The following NRXN1 variants were observed in gnomAD, a reference collection of about 807,000 sequenced individuals.
NRXN1 encodes the protein neurexin-1.
NRXN1 carries 39 observed loss-of-function variants against 150.9 expected under a neutral mutation model. The observed-to-expected ratio is 0.26, with a 90% CI of 0.20 to 0.34. NRXN1 has a LOEUF of 0.34. NRXN1 is among the 10% of genes least tolerant of loss of function. The pLI is 1.00. For synonymous variants in NRXN1, 924 were observed against 757.0 expected (o/e 1.22, Z -3.62); for missense variants, 1,815 against 1,949.9 (o/e 0.93, Z 1.30).
At chr2:50,089,128 T>G (rs941544281) in intron 19 of NRXN1, among the ~76,000 whole-genome samples, 1 of 152,204 alleles carries the variant, frequency 6.6e-6, no homozygotes, top group East Asian at 1.9e-4. Context: ...GGACTTTCCC[T>G]TTCTCACCAT....
Position 50,334,209 on chromosome 2 carries a change from A to ATATATATATATG in NRXN1, c.3365-97240_3365-97239insCATATATATATA, listed in dbSNP as rs760530144. Among the ~76,000 whole-genome samples, 54 of 121,474 alleles carry ATATATATATATG rather than the reference A, an allele frequency of 4.4e-4. 8 individuals carry two copies. In the Middle Eastern group the frequency reaches 0.012, roughly 27 times the overall value. The allele number at this position is 121,474 out of a possible 152,430, so 79.7% of individuals were successfully genotyped here. ...CAGGACCAAATATATATATATATATATATGTATGTAGATATTGTTTAACGG... is the reference window on the plus strand; with the variant it reads ...CAGGACCAAATATATATATATATATATATATATATATGTATGTATGTAGATATTGTTTAACGG... On this transcript the variant is annotated intron_variant, in intron 17 of 22. Coordinates refer to ENST00000401669, the MANE Select transcript of NRXN1 (RefSeq NM_001330078.2).
At chr2:50,065,276 C>T (rs1695196076) in intron 19 of NRXN1, among the ~76,000 whole-genome samples, 2 of 152,102 alleles carry the variant, frequency 1.3e-5, no homozygotes, top group African/African-American at 4.8e-5. Context: ...AAAGAGATGA[C>T]ATAAAACTAA....
At chr2:50,316,692 A>C (rs1004041834) in intron 17 of NRXN1, among the ~76,000 whole-genome samples, 1 of 152,142 alleles carries the variant, frequency 6.6e-6, no homozygotes, top group Non-Finnish European at 1.5e-5. Flanking sequence ...TAGTAAGATT[A>C]ATAAGTAACA....
At chr2:50,886,331 G>C (rs1680238087) in intron 5 of NRXN1, among the ~76,000 whole-genome samples, 1 of 151,376 alleles carries the variant, frequency 6.6e-6, no homozygotes, top group South Asian at 2.1e-4. Context: ...TATCTAGATT[G>C]TTCTTTCTGG....
At chr2:50,971,687 T>C (rs984007552) in intron 2 of NRXN1, among the ~76,000 whole-genome samples, 1 of 152,170 alleles carries the variant, frequency 6.6e-6, no homozygotes, top group Non-Finnish European at 1.5e-5. Context: ...ATCCTCTTTA[T>C]ATTTTTACAC....
At chr2:50,113,630 T>A (rs530042351) in intron 18 of NRXN1, among the ~76,000 whole-genome samples, 2 of 152,194 alleles carry the variant, frequency 1.3e-5, no homozygotes, top group Non-Finnish European at 2.9e-5. Context: ...CCCCTTCAAC[T>A]GTAAAAAGCA....
At chr2:50,749,033 A>C (rs3842845) in intron 5 of NRXN1, among the ~76,000 whole-genome samples, 140,236 of 152,160 alleles carry the variant, frequency 0.92, 64,746 homozygotes, top group African/African-American at 0.98. Context: ...CACTGGTCTA[A>C]GAATATCATG....
chr2:50,893,711 T>G lies in NRXN1; in HGVS notation c.832+28158A>C, dbSNP rs151277652. Among the ~76,000 whole-genome samples, 429 of 152,278 alleles carry G rather than the reference T, an allele frequency of 2.8e-3. 3 individuals are homozygous for G. The highest frequency in any genetic ancestry group is 1.0e-2 in the African/African-American group (414 of 41,564). On this transcript the variant is annotated intron_variant, in intron 5 of 22. Transcript: ENST00000401669. ...ATATACATTCACAATTATAATGTGA[T>G]TTTTGATAAACAAAAGTATTTTCGT... is the stretch of plus-strand genomic sequence containing the variant.
intron 18 of NRXN1, among the ~76,000 whole-genome samples, chr2:50,175,597 C>G (rs991404840): frequency 6.6e-6 from 1 of 151,436 alleles, no homozygotes; most frequent in Admixed American, 6.6e-5. Flanking sequence ...AATATACACA[C>G]ATTTATGCAA....
chr2:49,977,066 T>C (rs2152502830), intron 21 of NRXN1, among the ~76,000 whole-genome samples: 1 of 152,306 alleles, frequency 6.6e-6, no homozygotes, highest in African/African-American at 2.4e-5. Context: ...CAGAAGCAGC[T>C]TATGTTGTCC....
intron 16 of NRXN1, among the ~76,000 whole-genome samples, chr2:50,465,938 G>T (rs1284835224): frequency 6.6e-6 from 1 of 151,756 alleles, no homozygotes; most frequent in African/African-American, 2.4e-5. Context: ...GACATAATGA[G>T]AAATGGAGAT....
intron 18 of NRXN1, 134 bp from the exon 19 acceptor site, chr2:50,091,628 C>T (rs1207552314): frequency 2.3e-6 from 2 of 873,452 alleles, no homozygotes; most frequent in Non-Finnish European, 3.7e-6. Flanking sequence ...TTCTGAAAAA[C>T]TACATGTAGT....
At chr2:50,922,475 C>T (rs1414974079) in intron 4 of NRXN1, 183 bp downstream of exon 4, 1 of 710,558 alleles carries the variant, frequency 1.4e-6, no homozygotes, top group African/African-American at 1.8e-5. Context: ...CAGGAACAAA[C>T]CAAAATCAAA....
chr2:50,263,781 A>G (rs955308369), intron 17 of NRXN1, among the ~76,000 whole-genome samples: 6 of 152,118 alleles, frequency 3.9e-5, no homozygotes, highest in Admixed American at 1.3e-4. Context: ...ACCTAGTTCA[A>G]TAACACGCCT....
At chr2:50,435,521 C>T (rs2085346889) in intron 17 of NRXN1, among the ~76,000 whole-genome samples, 1 of 152,216 alleles carries the variant, frequency 6.6e-6, no homozygotes, top group African/African-American at 2.4e-5. Context: ...ATATGTACCA[C>T]ATTTTCTTTA....
chr2:50,550,712 C>T (rs1342106378), intron 9 of NRXN1, among the ~76,000 whole-genome samples: 1 of 147,050 alleles, frequency 6.8e-6, no homozygotes, highest in African/African-American at 2.6e-5. Flanking sequence ...GAGACAGTCT[C>T]ACTCTATCTC....
intron 10 of NRXN1, among the ~76,000 whole-genome samples, chr2:50,535,170 A>G (rs1473298311): frequency 6.6e-6 from 1 of 152,248 alleles, no homozygotes; most frequent in African/African-American, 2.4e-5. Flanking sequence ...GGTAAACAAC[A>G]TTCTGACATT....
intron 5 of NRXN1, among the ~76,000 whole-genome samples, chr2:50,719,392 G>A (rs574462701): frequency 1.3e-5 from 2 of 151,906 alleles, no homozygotes; most frequent in East Asian, 1.9e-4. Context: ...TTCGTTTTCC[G>A]GCTGGGTGCG....
At chr2:50,583,170 C>T (rs1006312981) in intron 8 of NRXN1, among the ~76,000 whole-genome samples, 2 of 152,146 alleles carry the variant, frequency 1.3e-5, no homozygotes, top group East Asian at 3.9e-4. Flanking sequence ...CCCATTTCAG[C>T]CTCCCAAGTA....
Sources: allele counts gnomAD v4.1 joint callset (sites outside exome capture counted in the v4.1 genomes callset), GRCh38; gene constraint gnomAD v4.1.1; transcripts MANE v1.5; gene names NCBI Gene and HGNC (gene_info 2026-07-23, HGNC 2026-07-21).